Variants in OC90 observed in about 807,000 individuals in gnomAD.
The protein encoded by OC90 is otoconin 90.
A neutral mutation model predicts 47.3 loss-of-function variants in OC90; 46 were observed. The observed-to-expected ratio is 0.97, with a 90% CI of 0.77 to 1.24. The LOEUF is 1.24. OC90 is among the 50% of genes most tolerant of loss of function. OC90 has a pLI of 0.00. For synonymous variants in OC90, 271 were observed against 219.5 expected (o/e 1.23, Z -2.07); for missense variants, 688 against 583.9 (o/e 1.18, Z -1.84).
chr8:132,033,892 G>A (rs1298367639), intron 10 of OC90, among the ~76,000 whole-genome samples: 1 of 152,162 alleles, frequency 6.6e-6, no homozygotes, highest in African/African-American at 2.4e-5. Flanking sequence ...CTCAGTTCCT[G>A]GAGTATTGGG....
At chr8:132,042,772 T>C (rs1341252389) in intron 4 of OC90, among the ~76,000 whole-genome samples, 1 of 152,096 alleles carries the variant, frequency 6.6e-6, no homozygotes, top group Non-Finnish European at 1.5e-5. Flanking sequence ...AAACAACAGA[T>C]GGCGAGGCTG....
Position 132,051,784 on chromosome 8 carries a change from T to C in OC90, c.46+3197A>G, listed in dbSNP as rs188635882. Among the ~76,000 whole-genome samples, 349 of 152,088 alleles carry C rather than the reference T, an allele frequency of 2.3e-3. 1 individual carries two copies. Among genetic ancestry groups the C allele is most frequent in the African/African-American group, 8.0e-3 (333 of 41,492 alleles). On this transcript the variant is annotated intron_variant, in intron 2 of 13. Transcript: ENST00000254627. ...GTAGCAGTCCAATGCTGGGAAGCAA[T>C]AGGGAATGGTGGGGACTGTGGAGAA... is the stretch of plus-strand genomic sequence containing the variant.
At chr8:132,028,428 G>C (rs1281243056) in intron 13 of OC90, among the ~76,000 whole-genome samples, 1 of 151,880 alleles carries the variant, frequency 6.6e-6, no homozygotes, top group African/African-American at 2.4e-5. Flanking sequence ...CTGGAATCAG[G>C]GGGTTAGAGG....
chr8:132,043,031 C>A (rs1586712765), intron 4 of OC90, among the ~76,000 whole-genome samples: 1 of 152,268 alleles, frequency 6.6e-6, no homozygotes, highest in Admixed American at 6.5e-5. Context: ...TCATCAACAG[C>A]GGATTGGATA....
chr8:132,033,588 A>G (rs746072311), intron 10 of OC90, among the ~76,000 whole-genome samples: 4 of 152,172 alleles, frequency 2.6e-5, no homozygotes, highest in Non-Finnish European at 5.9e-5. Context: ...GGAAGCCCTT[A>G]TTTCCTTTTT....
At chr8:132,050,676 C>T (rs1368443851) in intron 2 of OC90, among the ~76,000 whole-genome samples, 1 of 152,154 alleles carries the variant, frequency 6.6e-6, no homozygotes, top group African/African-American at 2.4e-5. Flanking sequence ...TGGCAAGATG[C>T]TTCCAAACAC....
intron 13 of OC90, among the ~76,000 whole-genome samples, chr8:132,028,555 AAAGAAAGAAAGGAAGGAAGGAAGG>A (rs1456058296): frequency 4.8e-4 from 8 of 16,524 alleles, no homozygotes; most frequent in Non-Finnish European, 9.1e-4. Context: ...AGAAAGAAAG[AAAGAAAGAAAGGAAGGAAGGAAGG>A]AAGGAAGGAA....
At position 132,024,583 on chromosome 8, in the gene OC90, C is replaced by T. The variant is rs770622659; in HGVS notation, c.1332G>A (p.Glu444=). 6 of 1,613,478 alleles carry T rather than the reference C, an allele frequency of 3.7e-6. No homozygotes were observed. Among genetic ancestry groups the T allele is most frequent in the Middle Eastern group, 1.7e-4 (1 of 6,056 alleles). ...AAPTLGSSSE[E]DSEEDPPQED... ...CCTGTGGAGGGTCCTCCTCGCTGTC[C>T]TCCTCAGAGCTGGAGCCCAGGGTGG... The change falls in exon 14 of 14, where the codon GAG becomes GAA. Residue 444 remains glutamate (E), a synonymous_variant. Transcript: ENST00000254627.
intron 12 of OC90, among the ~76,000 whole-genome samples, 154 bp downstream of exon 12, chr8:132,031,727 G>A (rs6415547): frequency 0.73 from 111,519 of 152,072 alleles, 41,095 homozygotes; most frequent in East Asian, 0.76. Flanking sequence ...GTGGGCCTAT[G>A]ATGCTGTAGA....
At chr8:132,058,121 A>G (rs1055531623) in intron 1 of OC90, among the ~76,000 whole-genome samples, 4 of 152,206 alleles carry the variant, frequency 2.6e-5, no homozygotes, top group Non-Finnish European at 5.9e-5. Context: ...CGCACAAAGA[A>G]GGAAAGTCAG....
In OC90 at chr8:132,032,009, G is replaced by A. The variant is rs1168690544; in HGVS notation, c.903C>T (p.Asn301=). 7.4e-6 allele frequency: 12 copies of A among 1,613,890 alleles called. No homozygotes were observed. The highest frequency in any genetic ancestry group is 3.3e-5 in the Admixed American group (2 of 60,014). ...FTFLHLGSGD[N]MQVMPQLGEM... is the part of the protein sequence containing the mutation. The stretch of plus-strand genomic sequence containing the variant: ...CTCCAAGCTGTGGCATCACCTGCAT[G>A]TTGTCCCCACTTCCCAGGTGCAGGA... Residue 301 remains asparagine, a synonymous_variant, in exon 12 of 14, where the codon AAC becomes AAT. Transcript: ENST00000254627.
chr8:132,029,014 A>T (rs943628770), intron 13 of OC90, 59 bp downstream of exon 13: 1 of 1,151,962 alleles, frequency 8.7e-7, no homozygotes, highest in Non-Finnish European at 1.3e-6. Context: ...AGTCTGAGCT[A>T]CAGTCACGAT....
chr8:132,042,823 C>T (rs57487857), intron 4 of OC90, among the ~76,000 whole-genome samples: 15,560 of 152,156 alleles, frequency 0.1, 1,079 homozygotes, highest in African/African-American at 0.19. Flanking sequence ...GGTGGGAATG[C>T]AAACTAGTTC....
At chr8:132,049,699 T>A in intron 2 of OC90, 1 of 417,550 alleles carries the variant, frequency 2.4e-6, no homozygotes, top group Admixed American at 2.2e-5. Context: ...CCTTTCCATA[T>A]AATTTTTAGC....
chr8:132,055,514 T>G (rs750352627), intron 1 of OC90, among the ~76,000 whole-genome samples: 1 of 152,222 alleles, frequency 6.6e-6, no homozygotes, highest in Non-Finnish European at 1.5e-5. Context: ...TTAATTGAAT[T>G]TTAAATAGCC....
chr8:132,049,079 C>A (rs888565757), intron 2 of OC90, among the ~76,000 whole-genome samples: 2 of 151,386 alleles, frequency 1.3e-5, no homozygotes, highest in East Asian at 3.8e-4. Flanking sequence ...ACAATGCAAC[C>A]CATTTGTTAA....
At chr8:132,044,875 A>G (rs1823110064) in intron 3 of OC90, among the ~76,000 whole-genome samples, 1 of 152,170 alleles carries the variant, frequency 6.6e-6, no homozygotes, top group Non-Finnish European at 1.5e-5. Context: ...ATTACTAGAG[A>G]TACTGATTCC....
chr8:132,058,212 A>G (rs1168832908), intron 1 of OC90, among the ~76,000 whole-genome samples: 2 of 152,190 alleles, frequency 1.3e-5, no homozygotes, highest in African/African-American at 4.8e-5. Context: ...GGGTACGTGC[A>G]CATTAGGGTA....
rs1050118729 is a variant in OC90, at chr8:132,048,512, C to G, written c.47-2629G>C. ...TCACAGTATTAAGTCCTGCTTTTGC[C>G]TCTTTCCCATTTTTCCTGACTGAAA... On this transcript the variant is annotated intron_variant, in intron 2 of 13. Coordinates refer to ENST00000254627, the MANE Select transcript of OC90 (RefSeq NM_001080399.3). 8.6e-5 allele frequency among the ~76,000 whole-genome samples: 13 copies of G among 151,372 alleles called. 1 individual carries two copies. Among genetic ancestry groups the G allele is most frequent in the African/African-American group, 3.2e-4 (13 of 40,688 alleles).
Sources: allele counts gnomAD v4.1 joint callset (sites outside exome capture counted in the v4.1 genomes callset), GRCh38; gene constraint gnomAD v4.1.1; transcripts MANE v1.5; gene names NCBI Gene and HGNC (gene_info 2026-07-23, HGNC 2026-07-21).